OAS3: variants seen among roughly 807,000 people sequenced by gnomAD.
OAS3 encodes the protein 2'-5'-oligoadenylate synthetase 3, also known as 2'-5'-oligoadenylate synthase 3.
In OAS3, 107 loss-of-function variants were observed where a neutral mutation model predicts 113.0. The ratio of observed to expected loss-of-function variants is 0.95; its 90% CI spans 0.81 to 1.11. OAS3 has a LOEUF of 1.11. OAS3 is among the 50% of genes most tolerant of loss of function. The pLI is 0.00. For synonymous variants in OAS3, 552 were observed against 573.6 expected, an observed-to-expected ratio of 0.96 and a Z score of 0.54; for missense variants, 1,258 against 1,389.1, an observed-to-expected ratio of 0.91 and a Z score of 1.50.
intron 11 of OAS3, among the ~76,000 whole-genome samples, chr12:112,965,239 A>T (rs746776112): frequency 1.8e-4 from 27 of 152,150 alleles, no homozygotes; most frequent in Non-Finnish European, 3.7e-4. Context: ...CCCCTCTCTG[A>T]TCCTCACGTT....
At chr12:112,969,583 G>GACTGTC in intron 14 of OAS3, 25 bp from the exon 15 acceptor site, 1 of 1,584,072 alleles carries the variant, frequency 6.3e-7, no homozygotes, top group Non-Finnish European at 8.6e-7. Context: ...CCAGGAATAA[G>GACTGTC]ACTGTCCCTG....
At chr12:112,945,619 A>G (rs1190186472) in intron 3 of OAS3, among the ~76,000 whole-genome samples, 1 of 152,140 alleles carries the variant, frequency 6.6e-6, no homozygotes, top group Non-Finnish European at 1.5e-5. Context: ...TGGACCAGTC[A>G]TCATAAGCAG....
At chr12:112,965,071 C>T (rs1462391533) in intron 11 of OAS3, among the ~76,000 whole-genome samples, 1 of 152,160 alleles carries the variant, frequency 6.6e-6, no homozygotes, top group Non-Finnish European at 1.5e-5. Flanking sequence ...TGGGGGTGTA[C>T]AAAAGGTCAC....
In OAS3 at chr12:112,947,001, C is replaced by A. The variant is rs780263505; in HGVS notation, c.875+20C>A. On this transcript the variant is annotated intron_variant, in intron 4 of 15. Transcript: ENST00000228928. The stretch of plus-strand genomic sequence containing the variant: ...ACCCAGGTACTTCCTAATAGCCCAC[C>A]ATCTGCTCTCCTGTCCCGGGGCCAG... 1 of 1,594,076 alleles carries A rather than the reference C, an allele frequency of 6.3e-7. No individual in the cohort carries two copies. The highest frequency in any genetic ancestry group is 1.1e-5 in the South Asian group (1 of 90,394).
chr12:112,944,491 G>C lies in OAS3; in HGVS notation c.476G>C (p.Gly159Ala). 1 of 1,614,010 alleles carries C rather than the reference G, an allele frequency of 6.2e-7. No homozygotes were observed. Among genetic ancestry groups the C allele is most frequent in the Non-Finnish European group, 8.5e-7 (1 of 1,179,884 alleles). Reference protein sequence around the residue: ...AFNVLGQAGSGVKPKPQVYST... With the variant: ...AFNVLGQAGSAVKPKPQVYST... ...ACACCAACAGGTCAGGCCGGCTCCG[G>C]CGTCAAACCCAAGCCACAAGTCTAC... The change falls in exon 3 of 16, where the codon GGC becomes GCC. Residue 159 changes from glycine to alanine, a missense_variant. Coordinates refer to ENST00000228928, the MANE Select transcript of OAS3 (RefSeq NM_006187.4).
intron 8 of OAS3, among the ~76,000 whole-genome samples, chr12:112,961,521 T>C (rs1024984659): frequency 3.3e-5 from 5 of 152,230 alleles, no homozygotes; most frequent in African/African-American, 1.2e-4. Context: ...TGCAAATGTT[T>C]TCTCTGTTTT....
In OAS3 at chr12:112,946,923, T is replaced by C; in HGVS notation, c.817T>C (p.Tyr273His). 1.9e-6 allele frequency: 3 copies of C among 1,614,058 alleles called. No individual in the cohort carries two copies. Among genetic ancestry groups the C allele is most frequent in the Non-Finnish European group, 2.5e-6 (3 of 1,179,900 alleles). ...QHLCVFWTVN[Y>H]GFEDPAVGQF... ...CCTGTGTGTTTTCTGGACTGTCAACTATGGCTTCGAGGACCCTGCAGTTGG... is the reference window on the plus strand; with the variant it reads ...CCTGTGTGTTTTCTGGACTGTCAACCATGGCTTCGAGGACCCTGCAGTTGG... The change falls in exon 4 of 16, where the codon TAT becomes CAT. Residue 273 changes from tyrosine to histidine, a missense_variant. Coordinates refer to ENST00000228928, the MANE Select transcript of OAS3 (RefSeq NM_006187.4).
In OAS3 at chr12:112,969,595, G is replaced by A. The variant is rs1262375218; in HGVS notation, c.3105-13G>A. 22 of 1,591,060 alleles carry A rather than the reference G, an allele frequency of 1.4e-5. No homozygotes were observed. Among genetic ancestry groups the A allele is most frequent in the East Asian group, 2.3e-5 (1 of 43,932 alleles). On this transcript the variant is annotated splice_polypyrimidine_tract_variant and intron_variant, in intron 14 of 15. Coordinates refer to ENST00000228928, the MANE Select transcript of OAS3 (RefSeq NM_006187.4). ...TTGCCAGGAATAAGACTGTCCCTGG[G>A]TGGGAATTGCAGGCCTATCATCCTG...
At chr12:112,966,190 A>G (rs2240187) in intron 12 of OAS3, among the ~76,000 whole-genome samples, 161 bp downstream of exon 12, 45,635 of 152,142 alleles carry the variant, frequency 0.3, 7,188 homozygotes, top group African/African-American at 0.38. Context: ...CAAAGTATCT[A>G]AAGAAGAGGG....
intron 8 of OAS3, among the ~76,000 whole-genome samples, chr12:112,961,638 A>G (rs554522891): frequency 6.6e-6 from 1 of 152,272 alleles, no homozygotes; most frequent in Non-Finnish European, 1.5e-5. Flanking sequence ...TGACCACCAT[A>G]TGGTAAGGGC....
At chr12:112,959,302 C>A (rs1235137738) in intron 7 of OAS3, among the ~76,000 whole-genome samples, 2 of 151,488 alleles carry the variant, frequency 1.3e-5, no homozygotes, top group African/African-American at 4.9e-5. Context: ...CCAGGTGAGG[C>A]GACGCCCTGC....
At chr12:112,943,060 C>T (rs181555925) in intron 2 of OAS3, among the ~76,000 whole-genome samples, 2 of 151,896 alleles carry the variant, frequency 1.3e-5, no homozygotes, top group African/African-American at 2.4e-5. Context: ...CTCAGCCTCC[C>T]GAGTAGCTGG....
chr12:112,946,239 C>T (rs1374762378), intron 3 of OAS3, among the ~76,000 whole-genome samples: 1 of 152,058 alleles, frequency 6.6e-6, no homozygotes, highest in African/African-American at 2.4e-5. Context: ...ATGGAGTAAT[C>T]CCTCCCTGGT....
At chr12:112,969,858 G>A in intron 15 of OAS3, 103 bp downstream of exon 15, 1 of 1,586,642 alleles carries the variant, frequency 6.3e-7, no homozygotes, top group Non-Finnish European at 8.6e-7. Flanking sequence ...GCCCAGTGAT[G>A]GCCCCAGGTA....
intron 15 of OAS3, 102 bp from the exon 16 acceptor site, chr12:112,969,859 GC>G: frequency 6.3e-7 from 1 of 1,586,554 alleles, no homozygotes; most frequent in Non-Finnish European, 8.6e-7. Flanking sequence ...CCCAGTGATG[GC>G]CCCAGGTATG....
chr12:112,946,596 G>A, intron 3 of OAS3, 147 bp from the exon 4 acceptor site: 1 of 686,926 alleles, frequency 1.5e-6, no homozygotes, highest in Non-Finnish European at 2.4e-6. Context: ...GGGCTGGTGA[G>A]AAATGCCACT....
At position 112,967,927 on chromosome 12, in the gene OAS3, G is replaced by T. The variant is rs771033029; in HGVS notation, c.2866-9G>T. 7.4e-6 allele frequency: 12 copies of T among 1,610,968 alleles called. No homozygotes were observed. The highest frequency in any genetic ancestry group is 1.0e-5 in the Non-Finnish European group (12 of 1,178,016). The stretch of plus-strand genomic sequence containing the variant: ...TATGAACCAACATATCTTTCTTCTC[G>T]TTCTCCAGTGTACCAAGATCTCCAA... On this transcript the variant is annotated splice_polypyrimidine_tract_variant and intron_variant, in intron 13 of 15. Transcript: ENST00000228928.
At position 112,941,460 on chromosome 12, in the gene OAS3, T is replaced by C. The variant is rs2043678653; in HGVS notation, c.178-110T>C. 3 of 1,237,004 alleles carry C rather than the reference T, an allele frequency of 2.4e-6. No homozygotes were observed. In the South Asian group the frequency reaches 4.2e-5, roughly 17 times the overall value. 76.6% of individuals were successfully genotyped at this position (1,237,004 alleles called of 1,614,324 possible). ...CGCGTGGCTTCAATGCCTACAGCCA[T>C]GTGGCCACAGTCTCTCCCCAGCACA... On this transcript the variant is annotated intron_variant, in intron 1 of 15. Coordinates refer to ENST00000228928, the MANE Select transcript of OAS3 (RefSeq NM_006187.4).
Position 112,963,423 on chromosome 12 carries a change from G to C in OAS3, c.2195G>C (p.Arg732Thr). Residue 732 changes from arginine to threonine, a missense_variant, in exon 10 of 16, where the codon AGA becomes ACA. Coordinates refer to ENST00000228928, the MANE Select transcript of OAS3 (RefSeq NM_006187.4). This position sits in a 1 kb window ranked among gnomAD's most constrained non-coding sequence, Gnocchi z 4.6. ...GGGATGCAGGCCTGCTTTCTGAGTA[G>C]AGACGGGACATCTGTGCAGCCCTGG... ...ALGMQACFLSRDGTSVQPWDV... is the reference protein window; with the variant it reads ...ALGMQACFLSTDGTSVQPWDV... 1 of 1,551,484 alleles carries C rather than the reference G, an allele frequency of 6.4e-7. No homozygotes were observed. The highest frequency in any genetic ancestry group is 8.7e-7 in the Non-Finnish European group (1 of 1,146,888).
Sources: allele counts gnomAD v4.1 joint callset (sites outside exome capture counted in the v4.1 genomes callset), GRCh38; gene constraint gnomAD v4.1.1; non-coding constraint Gnocchi (gnomAD v3.1); transcripts MANE v1.5; gene names NCBI Gene and HGNC (gene_info 2026-07-23, HGNC 2026-07-21).